The following CCDC188 variants were observed in gnomAD, a reference collection of about 807,000 sequenced individuals.
The protein encoded by CCDC188 is coiled-coil domain containing 188.
In CCDC188, 37 loss-of-function variants were observed where a neutral mutation model predicts 50.7. The observed-to-expected ratio is 0.73, with a 90% CI of 0.56 to 0.96. The LOEUF is 0.96. CCDC188 is among the 40% of genes least tolerant of loss of function. The probability of loss-of-function intolerance (pLI) is 0.00; values close to 1 mark genes in which losing one functional copy is unlikely to be tolerated. For missense variants in CCDC188, 453 were observed against 512.9 expected (o/e 0.88, Z 1.13); for synonymous variants, 208 against 228.0 (o/e 0.91, Z 0.79).
chr22:20,150,204 C>G lies in CCDC188; in HGVS notation c.566G>C (p.Gly189Ala). Residue 189 changes from glycine to alanine, a missense_variant, in exon 2 of 9, where the codon GGG becomes GCG. Physicochemically the swap from Gly to Ala is moderately conservative, Grantham distance 60. Transcript: ENST00000439765. The stretch of plus-strand genomic sequence containing the variant: ...CAGGGGCAGGAACTGCTGCCCCGGC[C>G]CCAGGAGGGCCCCCAGCTGCTCCCG... ...ELREQLGALL[G>A]PGQQFLPLCP... 6.5e-7 allele frequency: 1 copy of G among 1,548,242 alleles called. No individual in the cohort carries two copies. Among genetic ancestry groups the G allele is most frequent in the South Asian group, 1.2e-5 (1 of 83,936 alleles).
rs1323758529 is a variant in CCDC188, at chr22:20,148,570, T to C, written c.*44A>G. 6 of 1,499,534 alleles carry C rather than the reference T, an allele frequency of 4.0e-6. No individual in the cohort carries two copies. Among genetic ancestry groups the C allele is most frequent in the Non-Finnish European group, 5.3e-6 (6 of 1,124,642 alleles). 92.9% of individuals were successfully genotyped at this position (1,499,534 alleles called of 1,614,324 possible). On this transcript the variant is annotated 3_prime_UTR_variant, in exon 9 of 9. Coordinates refer to ENST00000439765, the MANE Select transcript of CCDC188 (RefSeq NM_001365892.2). Reference sequence around the variant, plus strand: ...CACGGCCACTGGGCATCCGGGGCAGTGCTGGTCGCCTGGCCTCCTTGCTGG... The same window carrying C: ...CACGGCCACTGGGCATCCGGGGCAGCGCTGGTCGCCTGGCCTCCTTGCTGG...
intron 6 of CCDC188, 70 bp downstream of exon 6, chr22:20,149,339 GGGT>G: frequency 6.5e-7 from 1 of 1,546,500 alleles, no homozygotes; most frequent in South Asian, 1.2e-5. Flanking sequence ...GGTCAAGGAT[GGGT>G]CTGCCCTGTC....
chr22:20,149,539 G>T (rs1423870084), intron 5 of CCDC188, 42 bp downstream of exon 5: 29 of 1,549,888 alleles, frequency 1.9e-5, no homozygotes, highest in Non-Finnish European at 7.8e-6. Flanking sequence ...CCTCTCGCCC[G>T]CCGGGCCCCG....
intron 5 of CCDC188, 49 bp downstream of exon 5, chr22:20,149,532 C>G (rs1602583995): frequency 6.5e-7 from 1 of 1,550,068 alleles, no homozygotes; most frequent in Non-Finnish European, 8.7e-7. Flanking sequence ...TCCGTGGCCT[C>G]TCGCCCGCCG....
intron 7 of CCDC188, 81 bp downstream of exon 7, chr22:20,149,106 G>T: frequency 7.6e-7 from 1 of 1,314,418 alleles, no homozygotes; most frequent in Non-Finnish European, 1.0e-6. Flanking sequence ...CCCTCCTGGA[G>T]CCCATTTCTC....
chr22:20,149,988 G>A lies in CCDC188; in HGVS notation c.699C>T (p.Cys233=). 2 of 1,547,996 alleles carry A rather than the reference G, an allele frequency of 1.3e-6. No individual in the cohort carries two copies. Among genetic ancestry groups the A allele is most frequent in the Non-Finnish European group, 8.7e-7 (1 of 1,146,574 alleles). Residue 233 remains cysteine (C), a synonymous_variant, in exon 3 of 9, where the codon TGC becomes TGT. Coordinates refer to ENST00000439765, the MANE Select transcript of CCDC188 (RefSeq NM_001365892.2). ...GTTGCACGAAAGCCTCTTGCCCCTGGCACAGCTCCCGCCGCAGCAGCTGCA... is the reference window on the plus strand; with the variant it reads ...GTTGCACGAAAGCCTCTTGCCCCTGACACAGCTCCCGCCGCAGCAGCTGCA... ...APLQLLRREL[C]QGQEAFVQQS... is the part of the protein sequence containing the mutation.
In CCDC188 at chr22:20,149,169, G is replaced by C; in HGVS notation, c.972+18C>G. 6.9e-7 allele frequency: 1 copy of C among 1,454,876 alleles called. No individual in the cohort carries two copies. Among genetic ancestry groups the C allele is most frequent in the South Asian group, 1.5e-5 (1 of 68,482 alleles). 90.1% of individuals were successfully genotyped at this position (1,454,876 alleles called of 1,614,324 possible). The stretch of plus-strand genomic sequence containing the variant: ...GGGGGCTGGTCTCCAGACCCAGAGT[G>C]GGGCGTGGGGGGCTCACCGACATGC... On this transcript the variant is annotated intron_variant, in intron 7 of 8. Transcript: ENST00000439765.
chr22:20,149,063 G>T, intron 7 of CCDC188, 124 bp downstream of exon 7: 1 of 1,272,172 alleles, frequency 7.9e-7, no homozygotes, highest in Non-Finnish European at 1.1e-6. Context: ...GGCTCCTGCA[G>T]CCACTTTTCC....
rs1178002102 is a variant in CCDC188, at chr22:20,149,640, C to T, written c.790G>A (p.Val264Met). 6.5e-7 allele frequency: 1 copy of T among 1,550,026 alleles called. No homozygotes were observed. Among genetic ancestry groups the T allele is most frequent in the Admixed American group, 2.0e-5 (1 of 50,976 alleles). The stretch of plus-strand genomic sequence containing the variant: ...TGCATCTCAGCCACGTTGTCCCACA[C>T]CTAGGGGGAGGTGGGGTCACGCCTG... ...FERKKMVITE[V>M]WDNVAEMHMA... Residue 264 changes from valine to methionine, a missense_variant and splice_region_variant, in exon 5 of 9, where the codon GTG becomes ATG. Val to Met is a conservative substitution (Grantham distance 21). Coordinates refer to ENST00000439765, the MANE Select transcript of CCDC188 (RefSeq NM_001365892.2).
chr22:20,150,309 TGGGGCA>T (rs1222161563), intron 1 of CCDC188, 59 bp from the exon 2 acceptor site: 1 of 955,070 alleles, frequency 1.0e-6, no homozygotes. Context: ...CGGCTGGGGC[TGGGGCA>T]GGGGCAGGGG....
In CCDC188 at chr22:20,149,452, C is replaced by T. The variant is rs1052127076; in HGVS notation, c.874G>A (p.Val292Met). 4.6e-5 allele frequency: 72 copies of T among 1,550,202 alleles called. No homozygotes were observed. Among genetic ancestry groups the T allele is most frequent in the African/African-American group, 4.4e-4 (32 of 73,166 alleles). The change falls in exon 6 of 9, where the codon GTG (valine) becomes ATG (methionine). Residue 292 changes from valine (V) to methionine (M), a missense_variant. Coordinates refer to ENST00000439765, the MANE Select transcript of CCDC188 (RefSeq NM_001365892.2). ...LLNLKKDIRG[V>M]LDQMEDIQLE... Reference sequence around the variant, plus strand: ...TGGATGTCCTCCATCTGGTCCAGCACGCCCCGGATGTCCTTCTTGAGGTTC... The same window carrying T: ...TGGATGTCCTCCATCTGGTCCAGCATGCCCCGGATGTCCTTCTTGAGGTTC...
At chr22:20,149,699 C>T (rs1467202274) in intron 4 of CCDC188, 25 bp downstream of exon 4, 1 of 1,540,824 alleles carries the variant, frequency 6.5e-7, no homozygotes, top group East Asian at 2.5e-5. Flanking sequence ...CCCCCAGCAC[C>T]CCTCCCCCTC....
Position 20,149,467 on chromosome 22 carries a change from T to C in CCDC188, c.859A>G (p.Lys287Glu). 1 of 1,550,098 alleles carries C rather than the reference T, an allele frequency of 6.5e-7. No individual in the cohort carries two copies. Among genetic ancestry groups the C allele is most frequent in the East Asian group, 2.4e-5 (1 of 40,892 alleles). Residue 287 changes from lysine (K) to glutamate (E), a missense_variant, in exon 6 of 9, where the codon AAG (lysine) becomes GAG (glutamate). Physicochemically the swap from Lys to Glu is moderately conservative, Grantham distance 56 (BLOSUM62 1). Transcript: ENST00000439765. ...NQATGLLNLK[K>E]DIRGVLDQME... ...TGGTCCAGCACGCCCCGGATGTCCT[T>C]CTTGAGGTTCTGGGGGCCAGAGGAG...
Position 20,150,713 on chromosome 22 carries a change from G to GC in CCDC188, c.273dup (p.Pro92AlafsTer164). ...CCTGCCTCCAGGTCTCCTTGTCTCG[G>GC]CCCCTCAGTGTCTCTCGCTCTCTGC... On this transcript the variant is annotated frameshift_variant, in exon 1 of 9. Transcript: ENST00000439765. LOFTEE classifies it high-confidence loss of function. The GC allele has an allele frequency of 3.9e-6, 6 of 1,550,110 alleles. No homozygotes were observed. Among genetic ancestry groups the GC allele is most frequent in the Non-Finnish European group, 5.2e-6 (6 of 1,146,764 alleles).
At chr22:20,150,104 G>A (rs1467731273) in intron 2 of CCDC188, 39 bp downstream of exon 2, 26 of 1,540,338 alleles carry the variant, frequency 1.7e-5, no homozygotes, top group Non-Finnish European at 2.3e-5. Context: ...CGGGCTAGAG[G>A]GGCGTTGGCT....
rs2050610786 is a variant in CCDC188, at chr22:20,150,676, C to T, written c.311G>A (p.Gly104Asp). The change falls in exon 1 of 9, where the codon GGC (glycine) becomes GAC (aspartate). Residue 104 changes from glycine to aspartate, a missense_variant. By Grantham distance (94) the Gly-to-Asp change is moderately conservative. Coordinates refer to ENST00000439765, the MANE Select transcript of CCDC188 (RefSeq NM_001365892.2). ...GTTCGACCCTGGGTGCAGGGGCCAGCCCCACCCAAGCCCTGCCTCCAGGTC... is the reference window on the plus strand; with the variant it reads ...GTTCGACCCTGGGTGCAGGGGCCAGTCCCACCCAAGCCCTGCCTCCAGGTC... ...QGDLEAGLGW[G>D]WPLHPGSNQG... 2.6e-6 allele frequency: 4 copies of T among 1,548,994 alleles called. No homozygotes were observed. The highest frequency in any genetic ancestry group is 1.4e-5 in the African/African-American group (1 of 72,972).
Position 20,149,429 on chromosome 22 carries a change from G to A in CCDC188, c.897C>T (p.Ile299=). The A allele has an allele frequency of 6.5e-7, 1 of 1,550,274 alleles. No individual in the cohort carries two copies. ...IRGVLDQMED[I]QLEILRERAQ... ...CGTGTTACCTGAGAATCTCCAGCTG[G>A]ATGTCCTCCATCTGGTCCAGCACGC... Residue 299 remains isoleucine, a synonymous_variant, in exon 6 of 9, where the codon ATC becomes ATT. Transcript: ENST00000439765.
chr22:20,149,093 C>G (rs1162376873), intron 7 of CCDC188, 94 bp downstream of exon 7: 3 of 1,285,634 alleles, frequency 2.3e-6, no homozygotes, highest in Non-Finnish European at 3.2e-6. Context: ...TGCCCTGGAC[C>G]TGCCCTCCTG....
At chr22:20,148,825 A>G (rs2050563336) in intron 8 of CCDC188, 25 bp from the exon 9 acceptor site, 3 of 1,459,098 alleles carry the variant, frequency 2.1e-6, no homozygotes, top group Admixed American at 2.6e-5. Flanking sequence ...GGTCAGGGGC[A>G]GGGGCGCGCG....
Sources: gnomAD v4.1 joint callset for allele counts on GRCh38, gnomAD v4.1.1 for gene constraint, MANE v1.5 for transcripts, NCBI Gene and HGNC (gene_info 2026-07-23, HGNC 2026-07-21) for gene names.